Variants in ZCRB1 observed in about 807,000 individuals in gnomAD.
ZCRB1 encodes the protein zinc finger CCHC-type and RNA-binding motif-containing protein 1.
ZCRB1 carries 21 observed loss-of-function variants against 29.9 expected under a neutral mutation model. That is an observed-to-expected ratio of 0.70 (90% CI 0.50 to 1.01). The LOEUF (loss-of-function observed/expected upper bound fraction) is 1.01. Ranked by LOEUF, ZCRB1 falls within the 50% of genes least tolerant of loss-of-function variation. ZCRB1 has a pLI of 0.00. For missense variants in ZCRB1, 204 were observed against 253.3 expected (o/e 0.81, Z 1.32); for synonymous variants, 77 against 80.0 (o/e 0.96, Z 0.20).
At chr12:42,315,732 A>T (rs2068591641) in intron 5 of ZCRB1, among the ~76,000 whole-genome samples, 1 of 152,228 alleles carries the variant, frequency 6.6e-6, no homozygotes, top group Non-Finnish European at 1.5e-5. Flanking sequence ...TGTGAATATG[A>T]AGATATATAC....
chr12:42,318,831 A>G (rs1346700278), intron 3 of ZCRB1, among the ~76,000 whole-genome samples: 2 of 152,180 alleles, frequency 1.3e-5, no homozygotes, highest in Non-Finnish European at 2.9e-5. Flanking sequence ...AGCTGGAAGG[A>G]GCTCCCACTG....
chr12:42,322,773 C>A (rs978331446), intron 2 of ZCRB1, among the ~76,000 whole-genome samples: 5 of 152,182 alleles, frequency 3.3e-5, no homozygotes, highest in African/African-American at 7.2e-5. Context: ...ACTATCAACT[C>A]CATCATAGTG....
chr12:42,325,332 G>A (rs1300232975), intron 1 of ZCRB1: 5 of 152,072 alleles, frequency 3.3e-5, no homozygotes, highest in Admixed American at 1.3e-4. Context: ...ATGTTAAGGA[G>A]TAAATTTAAG....
chr12:42,323,956 G>T, intron 2 of ZCRB1, 63 bp downstream of exon 2: 2 of 1,385,334 alleles, frequency 1.4e-6, no homozygotes, highest in South Asian at 1.2e-5. Context: ...ATTTGCCAGG[G>T]AGAACTATTT....
intron 5 of ZCRB1, among the ~76,000 whole-genome samples, chr12:42,317,101 C>CA (rs532289490): frequency 1.2e-3 from 179 of 152,210 alleles, no homozygotes; most frequent in African/African-American, 4.2e-3. Flanking sequence ...CCCAGCTACT[C>CA]AGACACTGTG....
At position 42,326,056 on chromosome 12, in the gene ZCRB1, G is replaced by A. The variant is rs970249987; in HGVS notation, c.-135C>T. 1 of 152,300 alleles carries A rather than the reference G, an allele frequency of 6.6e-6. No homozygotes were observed. Among genetic ancestry groups the A allele is most frequent in the South Asian group, 2.1e-4 (1 of 4,836 alleles). 9.4% of individuals were successfully genotyped at this position (152,300 alleles called of 1,614,324 possible). ...TCCTGGGAGGGGTCAGGCGCGGAGA[G>A]CAGATAATAGCAGCCACGGTGCTTC... is the stretch of plus-strand genomic sequence containing the variant. On this transcript the variant is annotated 5_prime_UTR_variant, in exon 1 of 8. Transcript: ENST00000266529.
chr12:42,324,769 CCT>C (rs1378016502), intron 1 of ZCRB1, among the ~76,000 whole-genome samples: 1 of 152,172 alleles, frequency 6.6e-6, no homozygotes, highest in Non-Finnish European at 1.5e-5. Context: ...AAGGAAAAAC[CCT>C]GAGGCTACTC....
At chr12:42,313,815 C>G (rs2068580666) in intron 6 of ZCRB1, 50 bp from the exon 7 acceptor site, 2 of 1,611,068 alleles carry the variant, frequency 1.2e-6, no homozygotes, top group South Asian at 2.2e-5. Flanking sequence ...TAATCAAAAG[C>G]AACCAACCAA....
intron 5 of ZCRB1, among the ~76,000 whole-genome samples, chr12:42,316,001 A>T (rs2068592853): frequency 2.0e-5 from 3 of 152,104 alleles, no homozygotes; most frequent in Non-Finnish European, 4.4e-5. Context: ...TGCATCTTCC[A>T]TGTGATTTTG....
At chr12:42,324,919 A>G (rs546017772) in intron 1 of ZCRB1, among the ~76,000 whole-genome samples, 3 of 152,372 alleles carry the variant, frequency 2.0e-5, no homozygotes, top group African/African-American at 7.2e-5. Flanking sequence ...GATTTTTGCT[A>G]ATACACAGTC....
chr12:42,321,719 T>C (rs1301126844), intron 3 of ZCRB1, among the ~76,000 whole-genome samples: 1 of 152,236 alleles, frequency 6.6e-6, no homozygotes, highest in African/African-American at 2.4e-5. Context: ...AAGATAAATA[T>C]GCTCAAAATT....
At chr12:42,316,950 T>TA (rs1397753909) in intron 5 of ZCRB1, among the ~76,000 whole-genome samples, 1 of 152,194 alleles carries the variant, frequency 6.6e-6, no homozygotes, top group East Asian at 1.9e-4. Flanking sequence ...CTAACACCTG[T>TA]AACTCTAGCA....
At chr12:42,322,321 G>A (rs2068625760) in intron 3 of ZCRB1, 97 bp downstream of exon 3, 1 of 1,148,894 alleles carries the variant, frequency 8.7e-7, no homozygotes, top group East Asian at 3.0e-5. Flanking sequence ...ATTATATCAA[G>A]CATGTTTTAT....
At position 42,325,961 on chromosome 12, in the gene ZCRB1, G is replaced by T. The variant is rs1037649842; in HGVS notation, c.-40C>A. 2 of 152,328 alleles carry T rather than the reference G, an allele frequency of 1.3e-5. No individual in the cohort carries two copies. The highest frequency in any genetic ancestry group is 2.9e-5 in the Non-Finnish European group (2 of 68,114). The allele number at this position is 152,328 out of a possible 1,614,324, so 9.4% of individuals were successfully genotyped here. ...TGGGCCTGGGAGACCAGAAGAGTGC[G>T]AGCCCTCGGCTCAGCTGGGGCTCAA... On this transcript the variant is annotated 5_prime_UTR_variant, in exon 1 of 8. Transcript: ENST00000266529.
intron 7 of ZCRB1, 82 bp from the exon 8 acceptor site, chr12:42,313,280 T>A: frequency 1.4e-6 from 2 of 1,443,198 alleles, no homozygotes; most frequent in South Asian, 1.5e-5. Flanking sequence ...GGCAAAAACA[T>A]ACCACAAATG....
Position 42,313,958 on chromosome 12 carries a change from G to C in ZCRB1, c.362C>G (p.Pro121Arg). ...CTCACGTTCTCCGAGCATATTTTTC[G>C]GACAGGCATAACTTAAGTGTCCACT... ...GESGHLSYAC[P>R]KNMLGEREPP... Residue 121 changes from proline to arginine, a missense_variant, in exon 6 of 8, where the codon CCG (proline) becomes CGG (arginine). Physicochemically the swap from Pro to Arg is moderately radical, Grantham distance 103. Transcript: ENST00000266529. 1.9e-6 allele frequency: 3 copies of C among 1,600,056 alleles called. No homozygotes were observed. The South Asian group carries it at 3.5e-5, about 18-fold the overall frequency.
At position 42,322,975 on chromosome 12, in the gene ZCRB1, C is replaced by T. The variant is rs556463597; in HGVS notation, c.85-529G>A. Among the ~76,000 whole-genome samples the T allele has an allele frequency of 2.0e-5, 3 of 152,316 alleles. No homozygotes were observed. In the South Asian group the frequency reaches 6.2e-4, roughly 32 times the overall value. ...TAATGAAAAATCCATTTCTATCAGT[C>T]TTCTTCCTCTGCCCACCATTAACAT... On this transcript the variant is annotated intron_variant, in intron 2 of 7. Transcript: ENST00000266529.
intron 3 of ZCRB1, among the ~76,000 whole-genome samples, chr12:42,318,702 G>A (rs4435065): frequency 1.3e-5 from 2 of 152,164 alleles, no homozygotes; most frequent in African/African-American, 4.8e-5. Flanking sequence ...GGTACAAGAG[G>A]AGCTTGGAAC....
At chr12:42,313,611 G>A in intron 7 of ZCRB1, 79 bp downstream of exon 7, 1 of 1,459,610 alleles carries the variant, frequency 6.9e-7, no homozygotes, top group South Asian at 1.2e-5. Flanking sequence ...AGGTTGCCAT[G>A]AGGTGATCAA....
Sources: gnomAD v4.1 joint callset for allele counts (sites outside exome capture counted in the v4.1 genomes callset) on GRCh38, gnomAD v4.1.1 for gene constraint, MANE v1.5 for transcripts, NCBI Gene and HGNC (gene_info 2026-07-23, HGNC 2026-07-21) for gene names.